IKZF1: variants seen among roughly 807,000 people sequenced by gnomAD.
IKZF1 encodes DNA-binding protein Ikaros.
IKZF1 carries 10 observed loss-of-function variants against 51.7 expected under a neutral mutation model. The ratio of observed to expected loss-of-function variants is 0.19; its 90% CI spans 0.12 to 0.33. The LOEUF (loss-of-function observed/expected upper bound fraction) is 0.33. Ranked by LOEUF, IKZF1 falls within the 10% of genes least tolerant of loss-of-function variation. The pLI is 1.00. For missense variants in IKZF1, 484 were observed against 707.5 expected, an observed-to-expected ratio of 0.68 and a Z score of 3.58; for synonymous variants, 280 against 282.3, an observed-to-expected ratio of 0.99 and a Z score of 0.08.
intron 3 of IKZF1, among the ~76,000 whole-genome samples, chr7:50,361,876 A>G (rs1456207104): frequency 2.0e-5 from 3 of 152,172 alleles, no homozygotes; most frequent in Non-Finnish European, 4.4e-5. Context: ...CTCCATCTCA[A>G]AAAAGAAAAA....
In IKZF1 at chr7:50,327,619, A is replaced by G. The variant is rs985831502; in HGVS notation, c.41-19A>G. On this transcript the variant is annotated intron_variant, in intron 2 of 7. Coordinates refer to ENST00000331340, the MANE Select transcript of IKZF1 (RefSeq NM_006060.6). ...TTGACCATGACCGCCCGAGACTCAC[A>G]CTTCTTCTTTCTCATCAGGGAAGGA... 6.2e-7 allele frequency: 1 copy of G among 1,600,306 alleles called. No homozygotes were observed. Among genetic ancestry groups the G allele is most frequent in the Non-Finnish European group, 8.5e-7 (1 of 1,173,374 alleles).
At chr7:50,354,238 G>A (rs893998341) in intron 3 of IKZF1, among the ~76,000 whole-genome samples, 1 of 152,250 alleles carries the variant, frequency 6.6e-6, no homozygotes, top group Admixed American at 6.5e-5. Flanking sequence ...TGATCCTGGG[G>A]AGAAGAGGAG....
chr7:50,379,949 A>T (rs1811379324), intron 4 of IKZF1, among the ~76,000 whole-genome samples: 1 of 152,250 alleles, frequency 6.6e-6, no homozygotes, highest in African/African-American at 2.4e-5. Flanking sequence ...ATTAAATTTC[A>T]AATTCATGAC....
At chr7:50,304,119 G>T (rs1176827718), upstream of IKZF1, 1 of 146,712 alleles carries the variant, frequency 6.8e-6, no homozygotes, top group Non-Finnish European at 1.5e-5. Flanking sequence ...CAGCAGGTAC[G>T]GCCCGCACCC....
At chr7:50,399,282 C>T (rs1817502953) in intron 7 of IKZF1, among the ~76,000 whole-genome samples, 1 of 152,088 alleles carries the variant, frequency 6.6e-6, no homozygotes, top group Admixed American at 6.5e-5. Flanking sequence ...ACTCTCATCT[C>T]AAGACAGAGT....
At chr7:50,387,049 G>C (rs1438640740) in intron 5 of IKZF1, among the ~76,000 whole-genome samples, 2 of 152,122 alleles carry the variant, frequency 1.3e-5, no homozygotes, top group African/African-American at 4.8e-5. Context: ...GCAGTGGCTC[G>C]TTTTCTCCAG....
Position 50,387,463 on chromosome 7 carries a change from G to C in IKZF1, c.708G>C (p.Leu236=). ...AAAGCATGGGCCTTCCGGGCACACT[G>C]TACCCAGGTAAGCGCTGCTGCTCGG... The part of the protein sequence containing the change: ...YLESMGLPGT[L]YPVIKEETNH... Residue 236 remains leucine (L), a synonymous_variant, in exon 6 of 8, where the codon CTG becomes CTC. Transcript: ENST00000331340. 2 of 1,610,042 alleles carry C rather than the reference G, an allele frequency of 1.2e-6. No individual in the cohort carries two copies. Among genetic ancestry groups the C allele is most frequent in the Non-Finnish European group, 1.7e-6 (2 of 1,178,370 alleles).
chr7:50,314,798 G>T (rs1394877568), intron 1 of IKZF1, among the ~76,000 whole-genome samples: 2 of 152,230 alleles, frequency 1.3e-5, no homozygotes, highest in African/African-American at 4.8e-5. Context: ...CCTTTGGGAT[G>T]CTGAAGTCAG....
At chr7:50,348,390 AG>A (rs1367891817) in intron 3 of IKZF1, among the ~76,000 whole-genome samples, 1 of 152,228 alleles carries the variant, frequency 6.6e-6, no homozygotes, top group Non-Finnish European at 1.5e-5. Context: ...GTTGGCTATT[AG>A]CAGAATTCTC....
Position 50,401,737 on chromosome 7 carries a change from T to TCAC in IKZF1, c.*1111_*1112insACC. 4.6e-6 allele frequency: 1 copy of TCAC among 218,216 alleles called. No homozygotes were observed. Among genetic ancestry groups the TCAC allele is most frequent in the Admixed American group, 5.8e-5 (1 of 17,258 alleles). The allele number at this position is 218,216 out of a possible 1,614,324, so 13.5% of individuals were successfully genotyped here. A position where few individuals can be genotyped will look rare whatever the true frequency, so the allele number is the denominator to read the frequency against. ...TTTACCTACCCTCACTATATATTAT[T>TCAC]CTCGTTTTAAAACCCATAAAGGAGT... On this transcript the variant is annotated 3_prime_UTR_variant, in exon 8 of 8. Coordinates refer to ENST00000331340, the MANE Select transcript of IKZF1 (RefSeq NM_006060.6).
At chr7:50,382,995 T>G (rs761772984) in intron 5 of IKZF1, among the ~76,000 whole-genome samples, 20 of 152,172 alleles carry the variant, frequency 1.3e-4, no homozygotes, top group Non-Finnish European at 2.4e-4. Context: ...CTCATCCCGT[T>G]TGTCAGGCTG....
In IKZF1 at chr7:50,403,639, C is replaced by T. The variant is rs1818509783; in HGVS notation, c.*3012C>T. 1 of 228,276 alleles carries T rather than the reference C, an allele frequency of 4.4e-6. No individual in the cohort carries two copies. Among genetic ancestry groups the T allele is most frequent in the Admixed American group, 5.7e-5 (1 of 17,606 alleles). 14.1% of individuals were successfully genotyped at this position (228,276 alleles called of 1,614,324 possible). On this transcript the variant is annotated 3_prime_UTR_variant, in exon 8 of 8. Coordinates refer to ENST00000331340, the MANE Select transcript of IKZF1 (RefSeq NM_006060.6). ...ATTCAAGAGTCACTAAAACTCATCA[C>T]ATTATCATTGCATATCAGCAAAGGG...
chr7:50,358,417 G>A (rs1335756748), intron 3 of IKZF1, among the ~76,000 whole-genome samples: 5 of 152,242 alleles, frequency 3.3e-5, no homozygotes, highest in African/African-American at 7.2e-5. Context: ...GCTGTGGGAC[G>A]GGGCAGGAGA....
At chr7:50,319,832 CTT>C (rs1009466781) in intron 2 of IKZF1, among the ~76,000 whole-genome samples, 15 of 152,216 alleles carry the variant, frequency 9.9e-5, no homozygotes, top group African/African-American at 3.6e-4. Flanking sequence ...CAGAGGCTGA[CTT>C]ATATTTGAGA....
At chr7:50,308,224 G>A (rs1012924487) in intron 1 of IKZF1, among the ~76,000 whole-genome samples, 2 of 152,176 alleles carry the variant, frequency 1.3e-5, no homozygotes, top group Admixed American at 6.5e-5. Context: ...GGCGAAGTGC[G>A]GGCCTGCCCA....
intron 7 of IKZF1, among the ~76,000 whole-genome samples, chr7:50,398,391 C>G (rs764217336): frequency 5.7e-4 from 86 of 152,180 alleles, no homozygotes; most frequent in Non-Finnish European, 1.1e-3. Context: ...CTCTGGTTCC[C>G]CAACCTTCAC....
chr7:50,383,702 T>C (rs981988349), intron 5 of IKZF1, among the ~76,000 whole-genome samples: 2 of 152,182 alleles, frequency 1.3e-5, no homozygotes, highest in African/African-American at 2.4e-5. Context: ...AGGGCCCTTC[T>C]CCAAGCAGCA....
At chr7:50,364,543 T>A (rs1006921338) in intron 3 of IKZF1, among the ~76,000 whole-genome samples, 1 of 152,246 alleles carries the variant, frequency 6.6e-6, no homozygotes. Flanking sequence ...AATCACTGAA[T>A]AATAGCTTCG....
intron 2 of IKZF1, chr7:50,327,348 G>T: frequency 4.3e-6 from 1 of 231,766 alleles, no homozygotes; most frequent in Non-Finnish European, 8.3e-6. Flanking sequence ...ACAAAATAAT[G>T]TCACCTCATA....
Sources: allele counts gnomAD v4.1 joint callset (sites outside exome capture counted in the v4.1 genomes callset), GRCh38; gene constraint gnomAD v4.1.1; transcripts MANE v1.5; gene names NCBI Gene and HGNC (gene_info 2026-07-23, HGNC 2026-07-21).